Variants in DIAPH3 observed in about 807,000 individuals in gnomAD.
The protein encoded by DIAPH3 is diaphanous related formin 3.
DIAPH3 carries 117 observed loss-of-function variants against 144.3 expected under a neutral mutation model. The ratio of observed to expected loss-of-function variants is 0.81; its 90% CI spans 0.70 to 0.95. DIAPH3 has a LOEUF of 0.95. Among genes scored for constraint, DIAPH3 ranks in the 40% least tolerant of loss-of-function variants. The pLI is 0.00. For synonymous variants in DIAPH3, 519 were observed against 488.9 expected (o/e 1.06, Z -0.81); for missense variants, 1,421 against 1,412.7 (o/e 1.01, Z -0.09).
chr13:60,145,330 A>C (rs1044065021), intron 1 of DIAPH3, among the ~76,000 whole-genome samples: 4 of 152,196 alleles, frequency 2.6e-5, no homozygotes, highest in African/African-American at 9.7e-5. Flanking sequence ...GATGATTACT[A>C]AATGATAACA....
rs569041842 is a variant in DIAPH3 at position 59,740,880 on chromosome 13, A to G, written c.3319+33309T>C. ...ATGAACAAAGAAGGTGTAGCCCCAA[A>G]GCATGAAGGCCATTTTCTCAAAGAT... is the stretch of plus-strand genomic sequence containing the variant. On this transcript the variant is annotated intron_variant, in intron 27 of 27. Transcript: ENST00000400324. Among the ~76,000 whole-genome samples, 31 of 152,340 alleles carry G rather than the reference A, an allele frequency of 2.0e-4. 1 individual carries two copies. The highest frequency in any genetic ancestry group is 3.4e-3 in the Middle Eastern group (1 of 294).
chr13:59,993,717 A>AAAAAAAAAC (rs1355121382), intron 9 of DIAPH3, among the ~76,000 whole-genome samples: 1 of 150,256 alleles, frequency 6.7e-6, no homozygotes, highest in East Asian at 1.9e-4. Context: ...AAAAAAAAAA[A>AAAAAAAAAC]AAAAACTTAA....
chr13:60,120,040 T>C (rs2058807183), intron 2 of DIAPH3, among the ~76,000 whole-genome samples: 1 of 152,124 alleles, frequency 6.6e-6, no homozygotes, highest in South Asian at 2.1e-4. Context: ...GGTAGAATAT[T>C]GTAAATGCCC....
chr13:59,709,062 T>C (rs1427322639), intron 27 of DIAPH3, among the ~76,000 whole-genome samples: 1 of 151,876 alleles, frequency 6.6e-6, no homozygotes, highest in Admixed American at 6.6e-5. Context: ...CTGTAAAAAA[T>C]GCAGATCTAT....
intron 4 of DIAPH3, among the ~76,000 whole-genome samples, chr13:60,062,414 TTA>T: frequency 6.6e-6 from 1 of 152,306 alleles, no homozygotes; most frequent in South Asian, 2.1e-4. Context: ...TTTTACCAAT[TTA>T]CTGGGTAATT....
intron 27 of DIAPH3, among the ~76,000 whole-genome samples, chr13:59,752,796 T>A (rs1394215617): frequency 2.6e-5 from 4 of 152,184 alleles, no homozygotes; most frequent in African/African-American, 9.7e-5. Context: ...TCAAATTTCT[T>A]AAATAATTAT....
At chr13:59,946,407 G>A (rs1371104334) in intron 17 of DIAPH3, among the ~76,000 whole-genome samples, 6 of 151,970 alleles carry the variant, frequency 3.9e-5, no homozygotes, top group Non-Finnish European at 7.4e-5. Flanking sequence ...AAAACCTCCC[G>A]AACACTACCT....
chr13:59,666,882 C>A (rs1339890002), intron 27 of DIAPH3, 36 bp from the exon 28 acceptor site: 1 of 1,611,904 alleles, frequency 6.2e-7, no homozygotes, highest in Non-Finnish European at 8.5e-7. Flanking sequence ...AAACTTATCA[C>A]CATGATAACC....
chr13:59,697,557 A>T (rs2033885989), intron 27 of DIAPH3, among the ~76,000 whole-genome samples: 1 of 151,460 alleles, frequency 6.6e-6, no homozygotes, highest in African/African-American at 2.4e-5. Flanking sequence ...TTTAAATATC[A>T]CTACAAATAA....
At chr13:60,062,140 T>C (rs2056798594) in intron 4 of DIAPH3, among the ~76,000 whole-genome samples, 1 of 152,178 alleles carries the variant, frequency 6.6e-6, no homozygotes, top group South Asian at 2.1e-4. Flanking sequence ...GATTAAAGAC[T>C]CCTTGAGAGA....
chr13:59,703,398 C>T (rs1413187785), intron 27 of DIAPH3, among the ~76,000 whole-genome samples: 2 of 152,134 alleles, frequency 1.3e-5, no homozygotes, highest in African/African-American at 2.4e-5. Flanking sequence ...CAGTGTTAAA[C>T]CTTTTTGTTG....
intron 25 of DIAPH3, among the ~76,000 whole-genome samples, chr13:59,798,636 T>C (rs79105336): frequency 0.043 from 6,497 of 152,278 alleles, 233 homozygotes; most frequent in South Asian, 0.11. Flanking sequence ...TGTCAATCCA[T>C]CCTCCTCTCT....
intron 24 of DIAPH3, among the ~76,000 whole-genome samples, chr13:59,821,543 G>A (rs189592297): frequency 2.0e-4 from 30 of 152,120 alleles, no homozygotes; most frequent in African/African-American, 6.7e-4. Context: ...TAGAAATTAC[G>A]TGATCTACTT....
At chr13:59,989,564 A>G (rs779797248) in intron 12 of DIAPH3, among the ~76,000 whole-genome samples, 6 of 151,868 alleles carry the variant, frequency 4.0e-5, no homozygotes, top group Non-Finnish European at 8.8e-5. Flanking sequence ...CAAAGAAGGA[A>G]TTAACATAGG....
At chr13:59,677,641 T>C (rs1360892984) in intron 27 of DIAPH3, among the ~76,000 whole-genome samples, 1 of 152,168 alleles carries the variant, frequency 6.6e-6, no homozygotes, top group Non-Finnish European at 1.5e-5. Flanking sequence ...TATTGTCTAC[T>C]GTACTGGACA....
intron 4 of DIAPH3, among the ~76,000 whole-genome samples, chr13:60,056,743 G>C (rs531779241): frequency 9.9e-5 from 15 of 151,890 alleles, no homozygotes; most frequent in African/African-American, 3.1e-4. Flanking sequence ...AAAGGACAAA[G>C]GAACTAGCTT....
At chr13:59,917,759 A>G (rs534970043) in intron 18 of DIAPH3, among the ~76,000 whole-genome samples, 7 of 151,728 alleles carry the variant, frequency 4.6e-5, no homozygotes, top group Admixed American at 3.3e-4. Context: ...GTATGGTGGC[A>G]TGTGCCTGTA....
At chr13:59,847,749 A>G (rs10507640) in intron 22 of DIAPH3, among the ~76,000 whole-genome samples, 8,789 of 152,262 alleles carry the variant, frequency 0.058, 301 homozygotes, top group Admixed American at 0.1. Flanking sequence ...CTTTCAAGTA[A>G]GACTAGTTTT....
chr13:59,813,677 A>T (rs897855025), intron 24 of DIAPH3, among the ~76,000 whole-genome samples: 1 of 152,004 alleles, frequency 6.6e-6, no homozygotes, highest in Non-Finnish European at 1.5e-5. Context: ...AACATGGTGA[A>T]ACCCCGTCTC....
Sources: gnomAD v4.1 joint callset for allele counts (sites outside exome capture counted in the v4.1 genomes callset) on GRCh38, gnomAD v4.1.1 for gene constraint, MANE v1.5 for transcripts, NCBI Gene and HGNC (gene_info 2026-07-23, HGNC 2026-07-21) for gene names.